Variants in PVT1 observed in about 807,000 individuals in gnomAD.
The protein encoded by PVT1 is CXCR4/PVT1 fusion.
chr8:128,091,614 G>A lies in PVT1; in HGVS notation n.1115-4904G>A, dbSNP rs116468933. On this transcript the variant is annotated intron_variant and non_coding_transcript_variant, in intron 5 of 10. Transcript: ENST00000651587. Reference sequence around the variant, plus strand: ...ACTCTAGAGGGATACATGAAAGAGCGGTAAGGTGACAAAGAAAACAGCTGG... The same window carrying A: ...ACTCTAGAGGGATACATGAAAGAGCAGTAAGGTGACAAAGAAAACAGCTGG... Among the ~76,000 whole-genome samples the A allele has an allele frequency of 5.2e-3, 789 of 152,274 alleles. 5 individuals are homozygous for A. Among genetic ancestry groups the A allele is most frequent in the African/African-American group, 0.018 (733 of 41,550 alleles).
intron 4 of PVT1, among the ~76,000 whole-genome samples, chr8:128,049,754 G>GT (rs1179228177): frequency 1.3e-5 from 2 of 152,296 alleles, no homozygotes; most frequent in African/African-American, 4.8e-5. Flanking sequence ...TTCAGGTAAG[G>GT]TTTACACCGG....
chr8:127,897,495 AAAGG>A (rs140627372), intron 3 of PVT1, among the ~76,000 whole-genome samples: 2,812 of 150,686 alleles, frequency 0.019, 80 homozygotes, highest in African/African-American at 0.057. Context: ...AGAGAGAAAG[AAAGG>A]AAGGAAGGAA....
At chr8:127,896,417 C>T (rs921975338) in intron 3 of PVT1, among the ~76,000 whole-genome samples, 3 of 152,052 alleles carry the variant, frequency 2.0e-5, no homozygotes, top group Admixed American at 6.5e-5. Context: ...GGCAGTCACT[C>T]AGCGTCCTGC....
intron 3 of PVT1, among the ~76,000 whole-genome samples, chr8:127,942,812 G>A (rs1816368740): frequency 6.6e-6 from 1 of 152,190 alleles, no homozygotes; most frequent in Non-Finnish European, 1.5e-5. Context: ...CTCCTGTCCT[G>A]GGTACTCTTT....
intron 4 of PVT1, among the ~76,000 whole-genome samples, chr8:128,033,273 G>A (rs941448579): frequency 3.9e-5 from 6 of 152,198 alleles, no homozygotes; most frequent in African/African-American, 1.4e-4. Flanking sequence ...ACAGAGCAGT[G>A]GCTCAGCCAG....
intron 3 of PVT1, among the ~76,000 whole-genome samples, chr8:127,977,861 C>T (rs1176950974): frequency 2.0e-5 from 3 of 152,320 alleles, no homozygotes; most frequent in South Asian, 2.1e-4. Flanking sequence ...GTTGTAAGTT[C>T]GGTGCCTTCT....
chr8:127,989,264 T>G (rs1394125367), exon 4 of PVT1: 1 of 152,202 alleles, frequency 6.6e-6, no homozygotes, highest in East Asian at 1.9e-4. Context: ...GACCTAAAGC[T>G]GGAGTATTTT....
chr8:128,021,582 C>T (rs6999475), intron 4 of PVT1, among the ~76,000 whole-genome samples: 7,868 of 152,122 alleles, frequency 0.052, 673 homozygotes, highest in African/African-American at 0.18. Context: ...CGTGAGCAAC[C>T]GCGCCCGGCC....
chr8:128,014,163 G>A (rs1299609727), intron 4 of PVT1, among the ~76,000 whole-genome samples: 1 of 152,074 alleles, frequency 6.6e-6, no homozygotes, highest in Non-Finnish European at 1.5e-5. Flanking sequence ...TGTCTTTTTT[G>A]CATTTATTCC....
chr8:127,964,364 G>A (rs944596061), intron 3 of PVT1, among the ~76,000 whole-genome samples: 21 of 152,292 alleles, frequency 1.4e-4, no homozygotes, highest in African/African-American at 3.8e-4. Flanking sequence ...ATACAGCAGC[G>A]ACCAACCGAA....
chr8:127,936,210 G>A (rs763927170), intron 3 of PVT1, among the ~76,000 whole-genome samples: 5 of 151,576 alleles, frequency 3.3e-5, no homozygotes, highest in Non-Finnish European at 5.9e-5. Context: ...CACCACCCAC[G>A]CCCGGCTAAT....
chr8:127,889,036 CTT>C (rs1563631142), intron 2 of PVT1, among the ~76,000 whole-genome samples: 3,229 of 22,302 alleles, frequency 0.14, 121 homozygotes, highest in Middle Eastern at 0.22. Context: ...TTCTCTCTTT[CTT>C]TCTTCCTTCC....
chr8:127,806,315 G>T (rs1281544524), intron 2 of PVT1, among the ~76,000 whole-genome samples: 2 of 152,120 alleles, frequency 1.3e-5, no homozygotes, highest in Non-Finnish European at 2.9e-5. Context: ...ACAAAAATTA[G>T]CTGGGTGTGG....
intron 3 of PVT1, among the ~76,000 whole-genome samples, chr8:127,907,658 A>C (rs1815839502): frequency 6.6e-6 from 1 of 152,244 alleles, no homozygotes. Flanking sequence ...ATTAGTATGC[A>C]GTGCTGCCAA....
intron 2 of PVT1, among the ~76,000 whole-genome samples, chr8:127,812,290 G>GGA (rs778096722): frequency 4.1e-5 from 6 of 145,114 alleles, no homozygotes; most frequent in Non-Finnish European, 7.6e-5. Flanking sequence ...AAGGAAGGAA[G>GGA]AGAATGAAAG....
At chr8:127,973,665 C>T (rs1816788675) in intron 3 of PVT1, among the ~76,000 whole-genome samples, 1 of 138,810 alleles carries the variant, frequency 7.2e-6, no homozygotes, top group Non-Finnish European at 1.6e-5. Flanking sequence ...AGAAGCTGAC[C>T]CAAGTTGCCT....
intron 4 of PVT1, among the ~76,000 whole-genome samples, chr8:127,999,639 T>C (rs1450760250): frequency 2.0e-5 from 3 of 152,174 alleles, no homozygotes; most frequent in Non-Finnish European, 4.4e-5. Context: ...TTTTTGTATT[T>C]TTAGTAGAAA....
At chr8:127,887,535 T>C (rs1815539067) in intron 2 of PVT1, among the ~76,000 whole-genome samples, 1 of 152,294 alleles carries the variant, frequency 6.6e-6, no homozygotes, top group Middle Eastern at 3.4e-3. Context: ...TATTTTATTT[T>C]TTAGACAAAA....
At chr8:127,920,440 C>T (rs1816042427) in intron 3 of PVT1, among the ~76,000 whole-genome samples, 1 of 152,212 alleles carries the variant, frequency 6.6e-6, no homozygotes, top group South Asian at 2.1e-4. Context: ...AGTTAATTAA[C>T]CTCTCTGTGC....
Sources: gnomAD v4.1 joint callset for allele counts (sites outside exome capture counted in the v4.1 genomes callset) on GRCh38, gnomAD v4.1.1 for gene constraint, MANE v1.5 for transcripts, NCBI Gene and HGNC (gene_info 2026-07-23, HGNC 2026-07-21) for gene names.